The following NCMAP variants were observed in gnomAD, a reference collection of about 807,000 sequenced individuals.
NCMAP encodes the protein non-compact myelin associated protein.
In NCMAP, 8 loss-of-function variants were observed where a neutral mutation model predicts 7.8. The ratio of observed to expected loss-of-function variants is 1.02; its 90% CI spans 0.60 to 1.84. NCMAP has a LOEUF of 1.84. Ranked by LOEUF, NCMAP falls within the 40% of genes most tolerant of loss-of-function variation. The pLI is 0.00. For missense variants in NCMAP, 112 were observed against 131.4 expected (o/e 0.85, Z 0.72); for synonymous variants, 41 against 52.9 (o/e 0.78, Z 0.98).
In NCMAP at chr1:24,595,453, G is replaced by A. The variant is rs759728478; in HGVS notation, c.23G>A (p.Gly8Glu). ...GAGATGACCACAGCCACCCCTCTGG[G>A]GGATACCACCTTCTTCTCACTGAAC... MTTATPL[G>E]DTTFFSLNMT... is the part of the protein sequence containing the mutation. The change falls in exon 2 of 4, where the codon GGG (glycine) becomes GAG (glutamate). Residue 8 changes from glycine to glutamate, a missense_variant. Physicochemically the swap from Gly to Glu is moderately conservative, Grantham distance 98. Coordinates refer to ENST00000374392, the MANE Select transcript of NCMAP (RefSeq NM_001010980.5). The A allele has an allele frequency of 2.5e-6, 4 of 1,613,910 alleles. No individual in the cohort carries two copies. The South Asian group carries it at 4.4e-5, about 18-fold the overall frequency.
At chr1:24,591,710 C>A (rs1003377307) in intron 1 of NCMAP, among the ~76,000 whole-genome samples, 1 of 152,004 alleles carries the variant, frequency 6.6e-6, no homozygotes, top group African/African-American at 2.4e-5. Flanking sequence ...CAGAGCCACA[C>A]GGGGTTCCTG....
Position 24,595,472 on chromosome 1 carries a change from A to G in NCMAP, c.42A>G (p.Ser14=). 1 of 1,614,088 alleles carries G rather than the reference A, an allele frequency of 6.2e-7. No individual in the cohort carries two copies. The highest frequency in any genetic ancestry group is 8.5e-7 in the Non-Finnish European group (1 of 1,179,916). ...CTCTGGGGGATACCACCTTCTTCTCACTGAACATGACCACCAGGGGAGAAG... is the reference window on the plus strand; with the variant it reads ...CTCTGGGGGATACCACCTTCTTCTCGCTGAACATGACCACCAGGGGAGAAG... ...ATPLGDTTFF[S]LNMTTRGEDF... The change falls in exon 2 of 4, where the codon TCA becomes TCG. Residue 14 remains serine, a synonymous_variant. Transcript: ENST00000374392.
Position 24,576,504 on chromosome 1 carries a change from G to T in NCMAP, c.-7-18920G>T, listed in dbSNP as rs1651563980. 1.3e-5 allele frequency among the ~76,000 whole-genome samples: 2 copies of T among 152,180 alleles called. No homozygotes were observed. Among genetic ancestry groups the T allele is most frequent in the South Asian group, 4.1e-4 (2 of 4,830 alleles). On this transcript the variant is annotated intron_variant, in intron 1 of 3. Coordinates refer to ENST00000374392, the MANE Select transcript of NCMAP (RefSeq NM_001010980.5). The surrounding 1 kb of genome is among the most constrained non-coding windows in gnomAD (Gnocchi z 4.0). ...GGGGAGGGGTGTTCCTTCTGGAATG[G>T]AGGGTGTGGAGGCAAACAAGCCTCG...
At chr1:24,577,421 T>G (rs1651614864) in intron 1 of NCMAP, among the ~76,000 whole-genome samples, 2 of 145,468 alleles carry the variant, frequency 1.4e-5, no homozygotes, top group Non-Finnish European at 3.0e-5. Context: ...TTTTTTTTTT[T>G]TTTTTTTTTT....
At chr1:24,604,615 T>A (rs1398062748) in intron 3 of NCMAP, among the ~76,000 whole-genome samples, 12 of 22,556 alleles carry the variant, frequency 5.3e-4, no homozygotes, top group East Asian at 1.4e-3. Context: ...AATATATATA[T>A]ATATATATAT....
chr1:24,558,449 G>A (rs1057194541), intron 1 of NCMAP, among the ~76,000 whole-genome samples: 3 of 152,258 alleles, frequency 2.0e-5, no homozygotes, highest in South Asian at 4.1e-4. Flanking sequence ...TTGTTTCATC[G>A]TGTGGTCCCC....
chr1:24,575,845 T>G (rs868054323), intron 1 of NCMAP, among the ~76,000 whole-genome samples: 2 of 134,354 alleles, frequency 1.5e-5, no homozygotes, highest in Non-Finnish European at 3.0e-5. Flanking sequence ...CTTGGGAGGC[T>G]AAGGCAGGAG....
chr1:24,559,928 G>A (rs370374478), intron 1 of NCMAP, among the ~76,000 whole-genome samples: 3 of 152,160 alleles, frequency 2.0e-5, no homozygotes, highest in Non-Finnish European at 2.9e-5. Flanking sequence ...TTGGGAGGCC[G>A]AGGCAGGTGG....
At chr1:24,600,510 G>T (rs4425931) in intron 2 of NCMAP, among the ~76,000 whole-genome samples, 34,879 of 152,194 alleles carry the variant, frequency 0.23, 4,122 homozygotes, top group Non-Finnish European at 0.25. Context: ...ATATGCAGAC[G>T]ATCAGCAGTT....
intron 1 of NCMAP, among the ~76,000 whole-genome samples, chr1:24,578,772 G>A (rs939996244): frequency 2.0e-5 from 3 of 151,724 alleles, no homozygotes; most frequent in African/African-American, 2.4e-5. Flanking sequence ...CCACTATACC[G>A]TTCAAGCTGG....
At chr1:24,575,223 A>G (rs915421884) in intron 1 of NCMAP, among the ~76,000 whole-genome samples, 14 of 152,034 alleles carry the variant, frequency 9.2e-5, no homozygotes, top group Non-Finnish European at 1.8e-4. Flanking sequence ...ATAAAAAAAG[A>G]TGTTTTAATT....
intron 1 of NCMAP, among the ~76,000 whole-genome samples, chr1:24,572,502 A>G (rs1310503716): frequency 6.6e-6 from 1 of 150,416 alleles, no homozygotes; most frequent in Non-Finnish European, 1.5e-5. Flanking sequence ...CTCAGAGAGG[A>G]AGTGAAGAAC....
intron 1 of NCMAP, among the ~76,000 whole-genome samples, chr1:24,556,901 A>G (rs1322698575): frequency 6.6e-6 from 1 of 152,104 alleles, no homozygotes; most frequent in Non-Finnish European, 1.5e-5. Context: ...TGGTTAGGGC[A>G]GCGCTTTGGA....
intron 1 of NCMAP, among the ~76,000 whole-genome samples, chr1:24,564,537 A>C (rs923533434): frequency 2.7e-5 from 4 of 149,556 alleles, no homozygotes; most frequent in Admixed American, 1.3e-4. Flanking sequence ...AAAAAACAAA[A>C]AAAAACCTGA....
intron 1 of NCMAP, among the ~76,000 whole-genome samples, chr1:24,585,228 T>C (rs1379494836): frequency 1.3e-5 from 2 of 151,886 alleles, no homozygotes; most frequent in South Asian, 2.1e-4. Flanking sequence ...CCAAGAGGAA[T>C]AGAGGGTGAA....
At chr1:24,585,246 G>A (rs903435440) in intron 1 of NCMAP, among the ~76,000 whole-genome samples, 4 of 152,062 alleles carry the variant, frequency 2.6e-5, no homozygotes, top group East Asian at 1.9e-4. Flanking sequence ...GAAGGAAATG[G>A]CCATGAAGGA....
intron 1 of NCMAP, among the ~76,000 whole-genome samples, chr1:24,578,422 G>T (rs1334399038): frequency 2.1e-5 from 3 of 140,210 alleles, no homozygotes; most frequent in Non-Finnish European, 4.7e-5. Context: ...TTGCTTCCTA[G>T]AGCCTCCACA....
intron 1 of NCMAP, among the ~76,000 whole-genome samples, chr1:24,578,245 CAAAAAA>C (rs35145959): frequency 5.2e-5 from 6 of 116,322 alleles, no homozygotes; most frequent in African/African-American, 1.6e-4. Flanking sequence ...GACACTGTCT[CAAAAAA>C]AAAAAAAAAA....
chr1:24,602,857 T>C (rs969600718), intron 3 of NCMAP, among the ~76,000 whole-genome samples: 2 of 151,202 alleles, frequency 1.3e-5, no homozygotes, highest in African/African-American at 4.9e-5. Context: ...GTTTGAACAT[T>C]GTGAAACCCC....
Sources: gnomAD v4.1 joint callset for allele counts (sites outside exome capture counted in the v4.1 genomes callset) on GRCh38, gnomAD v4.1.1 for gene constraint, Gnocchi (gnomAD v3.1) non-coding constraint, MANE v1.5 for transcripts, NCBI Gene and HGNC (gene_info 2026-07-23, HGNC 2026-07-21) for gene names.